The following SCMH1 variants were observed in gnomAD, a reference collection of about 807,000 sequenced individuals.
The protein encoded by SCMH1 is polycomb protein SCMH1.
SCMH1 carries 37 observed loss-of-function variants against 70.8 expected under a neutral mutation model. That is an observed-to-expected ratio of 0.52 (90% CI 0.40 to 0.69). SCMH1 has a LOEUF of 0.69. Among genes scored for constraint, SCMH1 ranks in the 30% least tolerant of loss-of-function variants. The pLI, the probability that SCMH1 is intolerant of heterozygous loss-of-function variation, is 0.00. For synonymous variants in SCMH1, 292 were observed against 307.4 expected (o/e 0.95, Z 0.52); for missense variants, 607 against 827.3 (o/e 0.73, Z 3.27).
chr1:41,069,519 A>G (rs1422965060), intron 10 of SCMH1, among the ~76,000 whole-genome samples: 1 of 152,244 alleles, frequency 6.6e-6, no homozygotes, highest in Non-Finnish European at 1.5e-5. Flanking sequence ...AACTGACACA[A>G]ATCAAAATAC....
chr1:41,050,011 G>A (rs1247879391), intron 10 of SCMH1, among the ~76,000 whole-genome samples: 3 of 151,834 alleles, frequency 2.0e-5, no homozygotes, highest in Admixed American at 6.6e-5. Context: ...AGCTGTAATC[G>A]CGCCACTGCA....
At chr1:41,143,383 T>C (rs945084190) in intron 5 of SCMH1, among the ~76,000 whole-genome samples, 4 of 152,196 alleles carry the variant, frequency 2.6e-5, no homozygotes, top group Non-Finnish European at 1.5e-5. Context: ...TCTCATTCTA[T>C]AATTCTCTAA....
At chr1:41,188,944 T>C (rs1220712934) in intron 1 of SCMH1, among the ~76,000 whole-genome samples, 2 of 152,106 alleles carry the variant, frequency 1.3e-5, no homozygotes, top group Non-Finnish European at 1.5e-5. Context: ...TTCTGAAAAT[T>C]CAATAAGAAA....
At chr1:41,220,630 T>C (rs1365880248) in intron 1 of SCMH1, among the ~76,000 whole-genome samples, 7 of 152,224 alleles carry the variant, frequency 4.6e-5, no homozygotes, top group African/African-American at 1.7e-4. Flanking sequence ...TTAACACATG[T>C]TACGGTGACT....
intron 6 of SCMH1, among the ~76,000 whole-genome samples, chr1:41,130,246 T>C (rs1674306652): frequency 6.6e-6 from 1 of 152,190 alleles, no homozygotes; most frequent in East Asian, 1.9e-4. Context: ...AATAACACAG[T>C]TGCAGGAGTT....
At chr1:41,033,284 T>C (rs999852337) in intron 13 of SCMH1, among the ~76,000 whole-genome samples, 3 of 146,102 alleles carry the variant, frequency 2.1e-5, no homozygotes, top group Admixed American at 6.9e-5. Flanking sequence ...AGAGACACTA[T>C]TAAAAAAAAA....
chr1:41,075,865 G>A (rs1306187231), intron 8 of SCMH1, among the ~76,000 whole-genome samples: 1 of 152,142 alleles, frequency 6.6e-6, no homozygotes, highest in African/African-American at 2.4e-5. Context: ...ATAGTGAGTT[G>A]GGATAAGAAC....
At chr1:41,186,734 A>T (rs369379530) in intron 1 of SCMH1, among the ~76,000 whole-genome samples, 3 of 152,186 alleles carry the variant, frequency 2.0e-5, no homozygotes, top group East Asian at 3.9e-4. Context: ...AAACAAAAGG[A>T]TGAGACATGA....
chr1:41,145,223 A>G (rs1236235269), intron 5 of SCMH1, among the ~76,000 whole-genome samples: 1 of 152,146 alleles, frequency 6.6e-6, no homozygotes, highest in East Asian at 1.9e-4. Context: ...ATTTAGGTCC[A>G]TGATCCACTT....
At chr1:41,135,515 T>C (rs1643148012) in intron 6 of SCMH1, among the ~76,000 whole-genome samples, 1 of 152,158 alleles carries the variant, frequency 6.6e-6, no homozygotes, top group Admixed American at 6.6e-5. Context: ...TGAAGAAGGA[T>C]GTGTTTGCTT....
intron 1 of SCMH1, among the ~76,000 whole-genome samples, chr1:41,211,505 G>T (rs1416156985): frequency 6.6e-6 from 1 of 152,168 alleles, no homozygotes; most frequent in African/African-American, 2.4e-5. Context: ...CGATTAAAAA[G>T]ACAGGAAACA....
At chr1:41,241,595 G>A (rs969872405) in intron 1 of SCMH1, among the ~76,000 whole-genome samples, 6 of 152,150 alleles carry the variant, frequency 3.9e-5, no homozygotes, top group African/African-American at 7.2e-5. Flanking sequence ...CTCTGGCGCC[G>A]GAGGGGACCG....
rs10127986 is a variant in SCMH1, at chr1:41,070,832, G to A, written c.979-111C>T. On this transcript the variant is annotated intron_variant, in intron 9 of 14. Coordinates refer to ENST00000337495, the Ensembl canonical transcript of SCMH1. Reference sequence around the variant, plus strand: ...AAAATATATTTATGGATGGAATAGTGTTTTATCTTTGTTCTCTACACAGCA... The same window carrying A: ...AAAATATATTTATGGATGGAATAGTATTTTATCTTTGTTCTCTACACAGCA... The A allele has an allele frequency of 8.2e-4, 1,081 of 1,312,812 alleles. 8 individuals carry two copies. The African/African-American group carries it at 0.014, about 17-fold the overall frequency. The allele number at this position is 1,312,812 out of a possible 1,614,324, so 81.3% of individuals were successfully genotyped here.
intron 6 of SCMH1, among the ~76,000 whole-genome samples, chr1:41,133,355 C>T (rs898937974): frequency 1.3e-5 from 2 of 151,850 alleles, no homozygotes; most frequent in East Asian, 1.9e-4. Context: ...AAATCGACAC[C>T]CTAACATCAC....
intron 1 of SCMH1, among the ~76,000 whole-genome samples, chr1:41,218,960 T>C (rs560424518): frequency 1.3e-5 from 2 of 152,290 alleles, no homozygotes; most frequent in African/African-American, 4.8e-5. Context: ...TAGTTTCTGA[T>C]AGTCAGATGG....
chr1:41,072,140 G>T (rs931100695), intron 9 of SCMH1, among the ~76,000 whole-genome samples: 3 of 152,214 alleles, frequency 2.0e-5, no homozygotes, highest in African/African-American at 7.2e-5. Flanking sequence ...AGATGGCTTT[G>T]CCTGTGAAAG....
chr1:41,068,918 C>G (rs1477202214), intron 10 of SCMH1, among the ~76,000 whole-genome samples: 1 of 152,082 alleles, frequency 6.6e-6, no homozygotes, highest in African/African-American at 2.4e-5. Flanking sequence ...GAGAGGTGAA[C>G]AGAATCTCAA....
At chr1:41,215,454 T>A (rs1000129624) in intron 1 of SCMH1, among the ~76,000 whole-genome samples, 1 of 152,130 alleles carries the variant, frequency 6.6e-6, no homozygotes, top group Non-Finnish European at 1.5e-5. Context: ...CTCATCTACT[T>A]CTTCTCTTTA....
chr1:41,167,506 ATTT>A (rs998958871), intron 2 of SCMH1, among the ~76,000 whole-genome samples: 1 of 152,096 alleles, frequency 6.6e-6, no homozygotes, highest in African/African-American at 2.4e-5. Context: ...CCTAGGCTTT[ATTT>A]TGATTGGAGA....
Sources: allele counts gnomAD v4.1 joint callset (sites outside exome capture counted in the v4.1 genomes callset), GRCh38; gene constraint gnomAD v4.1.1; transcripts MANE v1.5; gene names NCBI Gene and HGNC (gene_info 2026-07-23, HGNC 2026-07-21).